The following ANO1 variants were observed in gnomAD, a reference collection of about 807,000 sequenced individuals.
ANO1 encodes the protein anoctamin 1.
ANO1 carries 59 observed loss-of-function variants against 124.0 expected under a neutral mutation model. The ratio of observed to expected loss-of-function variants is 0.48; its 90% confidence interval spans 0.39 to 0.59. The LOEUF (loss-of-function observed/expected upper bound fraction) is 0.59. Ranked by LOEUF, ANO1 falls within the 20% of genes least tolerant of loss-of-function variation. The probability of loss-of-function intolerance (pLI) is 0.00; values close to 1 mark genes in which losing one functional copy is unlikely to be tolerated. For synonymous variants in ANO1, 529 were observed against 532.0 expected, an observed-to-expected ratio of 0.99 and a Z score of 0.08; for missense variants, 1,059 against 1,328.0, an observed-to-expected ratio of 0.80 and a Z score of 3.15.
intron 2 of ANO1, among the ~76,000 whole-genome samples, chr11:70,099,122 G>A (rs1054042357): frequency 6.6e-6 from 1 of 152,140 alleles, no homozygotes; most frequent in Non-Finnish European, 1.5e-5. Flanking sequence ...GACAAAGTAG[G>A]TTCATGAACC....
chr11:70,068,542 G>T (rs1327839260), intron 1 of ANO1, among the ~76,000 whole-genome samples: 1 of 152,176 alleles, frequency 6.6e-6, no homozygotes, highest in Admixed American at 6.5e-5. Context: ...TGGGAGTGGG[G>T]CCAGGGCAGA....
intron 11 of ANO1, among the ~76,000 whole-genome samples, chr11:70,133,307 A>G (rs1187375807): frequency 3.9e-5 from 6 of 152,226 alleles, no homozygotes; most frequent in African/African-American, 1.4e-4. Flanking sequence ...GTGCCCCATC[A>G]GTAAGCAGAG....
chr11:70,177,925 GTT>G (rs1412091023), intron 22 of ANO1, among the ~76,000 whole-genome samples: 2 of 152,264 alleles, frequency 1.3e-5, no homozygotes, highest in Admixed American at 6.5e-5. Context: ...CATTTTCCTG[GTT>G]TTTAAGCATC....
At position 69,988,209 on chromosome 11, in the gene ANO1, G is replaced by A. The variant is rs565827692; in HGVS notation, c.58+2043G>A. On this transcript the variant is annotated intron_variant, in intron 1 of 27. Transcript: ENST00000531349. ...AATAGGAAATTTAAAAAGCCACAGAGTTGGAGAACAGAAAGAGGTCTGGGT... is the reference window on the plus strand; with the variant it reads ...AATAGGAAATTTAAAAAGCCACAGAATTGGAGAACAGAAAGAGGTCTGGGT... Among the ~76,000 whole-genome samples, 4 of 152,318 alleles carry A rather than the reference G, an allele frequency of 2.6e-5. No homozygotes were observed. The South Asian group carries it at 8.3e-4, about 32-fold the overall frequency.
intron 1 of ANO1, among the ~76,000 whole-genome samples, chr11:70,017,811 T>C (rs1406261111): frequency 6.6e-6 from 1 of 152,090 alleles, no homozygotes; most frequent in Non-Finnish European, 1.5e-5. Context: ...TGAGCCACAG[T>C]ACCTGGCCTA....
intron 1 of ANO1, among the ~76,000 whole-genome samples, chr11:70,022,998 A>G (rs1183224674): frequency 2.0e-5 from 3 of 152,214 alleles, no homozygotes; most frequent in Non-Finnish European, 4.4e-5. Flanking sequence ...AGGGGCCACA[A>G]GGCAAGGACT....
At position 70,087,814 on chromosome 11, in the gene ANO1, C is replaced by T. The variant is rs747872104; in HGVS notation, c.171C>T (p.Asp57=). The T allele has an allele frequency of 8.7e-6, 14 of 1,612,784 alleles. No homozygotes were observed. The highest frequency in any genetic ancestry group is 5.0e-5 in the Admixed American group (3 of 59,954). Residue 57 remains aspartate (D), a synonymous_variant, in exon 2 of 26, where the codon GAC becomes GAT. Coordinates refer to ENST00000355303, the MANE Select transcript of ANO1 (RefSeq NM_018043.7). ...GCAAGTATGGCCTGTACTTCAGGGA[C>T]GGCCGGCGCAAGGTGGACTACATCC... ...AECKYGLYFR[D]GRRKVDYILV...
intron 1 of ANO1, among the ~76,000 whole-genome samples, chr11:70,066,568 G>A (rs1033425788): frequency 6.8e-6 from 1 of 147,144 alleles, no homozygotes; most frequent in Non-Finnish European, 1.5e-5. Flanking sequence ...ACAAACATTT[G>A]CCAAATGTCT....
At chr11:70,166,855 A>G (rs1178268871) in intron 20 of ANO1, among the ~76,000 whole-genome samples, 1 of 152,212 alleles carries the variant, frequency 6.6e-6, no homozygotes, top group Non-Finnish European at 1.5e-5. Flanking sequence ...ACTTAGAAAT[A>G]TCACTGGAGG....
At chr11:70,144,614 C>A (rs1400671497) in intron 11 of ANO1, among the ~76,000 whole-genome samples, 2 of 152,370 alleles carry the variant, frequency 1.3e-5, no homozygotes, top group Admixed American at 6.5e-5. Context: ...CATAGCCCAA[C>A]TATCCGCTCC....
At chr11:70,160,742 A>C (rs2048009928) in intron 16 of ANO1, among the ~76,000 whole-genome samples, 1 of 152,228 alleles carries the variant, frequency 6.6e-6, no homozygotes, top group Non-Finnish European at 1.5e-5. Context: ...TCCCGCAGTC[A>C]GTCTGCTCTG....
chr11:70,158,713 G>A (rs1565260925), intron 16 of ANO1, among the ~76,000 whole-genome samples: 4 of 152,244 alleles, frequency 2.6e-5, no homozygotes, highest in Admixed American at 1.3e-4. Flanking sequence ...GAAGAAGTGG[G>A]AAGATCCAGT....
intron 15 of ANO1, among the ~76,000 whole-genome samples, chr11:70,156,411 A>T (rs1298480074): frequency 6.6e-6 from 1 of 152,116 alleles, no homozygotes; most frequent in African/African-American, 2.4e-5. Context: ...GCTTCTACCT[A>T]GGGTTTCTCC....
chr11:70,091,334 G>GA (rs1194396850), intron 2 of ANO1, among the ~76,000 whole-genome samples: 15 of 152,188 alleles, frequency 9.9e-5, no homozygotes, highest in Non-Finnish European at 1.8e-4. Flanking sequence ...TTCCTGGGGA[G>GA]AAAAATCCAC....
rs536269214 is a variant in ANO1, at chr11:70,165,038, G to A, written c.1951-432G>A. ...GGTCTCACAGTTCTGAAGGTCGGAA[G>A]TGCAACATCCAGGTGTTAGCCGGGC... On this transcript the variant is annotated intron_variant, in intron 19 of 25. Coordinates refer to ENST00000355303, the MANE Select transcript of ANO1 (RefSeq NM_018043.7). Among the ~76,000 whole-genome samples, 3 of 152,296 alleles carry A rather than the reference G, an allele frequency of 2.0e-5. No homozygotes were observed. The South Asian group carries it at 6.2e-4, about 32-fold the overall frequency.
rs201788127 is a variant in ANO1 at position 70,170,856 on chromosome 11, G to T, written c.2198-31G>T. On this transcript the variant is annotated intron_variant, in intron 21 of 25. Coordinates refer to ENST00000355303, the MANE Select transcript of ANO1 (RefSeq NM_018043.7). ...CCCCCTTATGGGCTGTGGCTCACGG[G>T]GTGCTGACTAGCACTGGGCTCTCTC... 2.2e-4 allele frequency: 353 copies of T among 1,606,344 alleles called. 4 individuals carry two copies. The East Asian group carries it at 7.7e-3, about 35-fold the overall frequency.
At chr11:69,995,847 CTG>C (rs1186016891) in intron 1 of ANO1, among the ~76,000 whole-genome samples, 7 of 152,210 alleles carry the variant, frequency 4.6e-5, no homozygotes, top group African/African-American at 1.7e-4. Flanking sequence ...TGGCTCACGT[CTG>C]TAATCCCAGC....
At chr11:69,979,895 C>A in the ANO1 span, among the ~76,000 whole-genome samples, 1 of 152,144 alleles carries the variant, frequency 6.6e-6, no homozygotes, top group Non-Finnish European at 1.5e-5. Flanking sequence ...TCCATCATGC[C>A]TCCATAGCAC....
At chr11:70,066,868 GGCCCATGGAT>G (rs1857737804) in intron 1 of ANO1, among the ~76,000 whole-genome samples, 1 of 152,056 alleles carries the variant, frequency 6.6e-6, no homozygotes, top group African/African-American at 2.4e-5. Flanking sequence ...CTGCCAGCCA[GGCCCATGGAT>G]GCTGCTAGTC....
Sources: gnomAD v4.1 joint callset for allele counts (sites outside exome capture counted in the v4.1 genomes callset) on GRCh38, gnomAD v4.1.1 for gene constraint, MANE v1.5 for transcripts, NCBI Gene and HGNC (gene_info 2026-07-23, HGNC 2026-07-21) for gene names.